Variants in KLHDC4 observed in about 807,000 individuals in gnomAD.
KLHDC4 encodes the protein kelch domain-containing protein 4.
In KLHDC4, 90 loss-of-function variants were observed where a neutral mutation model predicts 62.4. That is an observed-to-expected ratio of 1.44 (90% CI 1.22 to 1.72). The LOEUF is 1.72. Among genes scored for constraint, KLHDC4 ranks in the 40% most tolerant of loss-of-function variants. The pLI is 0.00. For missense variants in KLHDC4, 1,025 were observed against 699.7 expected (o/e 1.47, Z -5.25); for synonymous variants, 386 against 284.4 (o/e 1.36, Z -3.59).
intron 5 of KLHDC4, among the ~76,000 whole-genome samples, chr16:87,740,266 A>C (rs954777122): frequency 6.6e-6 from 1 of 152,052 alleles, no homozygotes; most frequent in Non-Finnish European, 1.5e-5. Flanking sequence ...GAAATGAGAG[A>C]GCTCCAGTGA....
At chr16:87,708,098 T>C (rs1459253072) in intron 11 of KLHDC4, 23 bp from the exon 12 acceptor site, 2 of 629,222 alleles carry the variant, frequency 3.2e-6, no homozygotes, top group East Asian at 6.5e-5. Flanking sequence ...GAGGAAGGAA[T>C]GAGAGAGAAA....
chr16:87,721,971 T>C (rs773864563), intron 7 of KLHDC4, among the ~76,000 whole-genome samples: 1 of 152,026 alleles, frequency 6.6e-6, no homozygotes, highest in Non-Finnish European at 1.5e-5. Flanking sequence ...CCAAACACCA[T>C]TTCCAAAGAG....
chr16:87,748,579 C>G, intron 5 of KLHDC4, 94 bp downstream of exon 5: 1 of 1,494,612 alleles, frequency 6.7e-7, no homozygotes, highest in East Asian at 2.3e-5. Context: ...TCCTCTGAAC[C>G]CTGGTATTCT....
At chr16:87,763,895 G>A (rs757994122) in intron 1 of KLHDC4, among the ~76,000 whole-genome samples, 1 of 152,182 alleles carries the variant, frequency 6.6e-6, no homozygotes, top group Non-Finnish European at 1.5e-5. Context: ...GACTCAGACG[G>A]AGTATGGTTG....
chr16:87,759,853 A>G (rs1350458106), intron 2 of KLHDC4, among the ~76,000 whole-genome samples: 2 of 152,210 alleles, frequency 1.3e-5, no homozygotes, highest in Admixed American at 1.3e-4. Flanking sequence ...GAAACGATCT[A>G]CACGGGGCCC....
chr16:87,715,980 T>C (rs183435026), intron 7 of KLHDC4, among the ~76,000 whole-genome samples: 43 of 152,272 alleles, frequency 2.8e-4, no homozygotes, highest in African/African-American at 9.9e-4. Flanking sequence ...CTCATGGATA[T>C]TGACAGACTT....
At chr16:87,742,398 A>G (rs1473154518) in intron 5 of KLHDC4, among the ~76,000 whole-genome samples, 2 of 152,164 alleles carry the variant, frequency 1.3e-5, no homozygotes, top group Non-Finnish European at 2.9e-5. Context: ...AACCTACACT[A>G]CTTTCATTAT....
At chr16:87,720,843 A>T (rs957569446) in intron 7 of KLHDC4, among the ~76,000 whole-genome samples, 2 of 152,222 alleles carry the variant, frequency 1.3e-5, no homozygotes, top group East Asian at 3.9e-4. Flanking sequence ...CTCTTTGGGG[A>T]CACTGCTGTC....
chr16:87,757,212 G>T (rs1397669841), intron 2 of KLHDC4: 1 of 151,998 alleles, frequency 6.6e-6, no homozygotes, highest in Non-Finnish European at 1.5e-5. Context: ...GCTCCTGCCT[G>T]TAATCCCAGC....
rs534467969 is a variant in KLHDC4, at chr16:87,751,622, C to T, written c.370-2813G>A. ...ATATTTACACCTTACATAATCAGTCCCTAAAGCCATTCCTGGCCAGGTGCA... is the reference window on the plus strand; with the variant it reads ...ATATTTACACCTTACATAATCAGTCTCTAAAGCCATTCCTGGCCAGGTGCA... On this transcript the variant is annotated intron_variant, in intron 4 of 11. Coordinates refer to ENST00000270583, the MANE Select transcript of KLHDC4 (RefSeq NM_017566.4). 3.3e-5 allele frequency among the ~76,000 whole-genome samples: 5 copies of T among 151,788 alleles called. No homozygotes were observed. In the East Asian group the frequency reaches 5.8e-4, roughly 18 times the overall value.
At chr16:87,762,631 G>C (rs549057971) in intron 1 of KLHDC4, among the ~76,000 whole-genome samples, 1 of 152,296 alleles carries the variant, frequency 6.6e-6, no homozygotes, top group African/African-American at 2.4e-5. Flanking sequence ...AACACTGCCT[G>C]CACAGCAAGA....
At chr16:87,759,319 G>C (rs2045506560) in intron 2 of KLHDC4, among the ~76,000 whole-genome samples, 2 of 151,736 alleles carry the variant, frequency 1.3e-5, no homozygotes, top group Non-Finnish European at 2.9e-5. Context: ...TGGATCATCT[G>C]AGGTCAGGAA....
chr16:87,701,921 G>A (rs7199037), exon 1 of KLHDC4: 86,486 of 455,928 alleles, frequency 0.19, 8,630 homozygotes, highest in Middle Eastern at 0.22. Flanking sequence ...GTGCTCCCTC[G>A]GGCCCTCCCA....
At chr16:87,752,424 C>T (rs1279041933) in intron 4 of KLHDC4, among the ~76,000 whole-genome samples, 1 of 150,716 alleles carries the variant, frequency 6.6e-6, no homozygotes, top group African/African-American at 2.4e-5. Context: ...CAACCTCCAA[C>T]GCCCCTGGTT....
At chr16:87,706,672 G>A (rs1158110102), downstream of KLHDC4, among the ~76,000 whole-genome samples, 1 of 152,188 alleles carries the variant, frequency 6.6e-6, no homozygotes, top group African/African-American at 2.4e-5. Context: ...GGGGCCCTTG[G>A]GGCCAGTTCA....
intron 3 of KLHDC4, 45 bp from the exon 4 acceptor site, chr16:87,755,337 C>T: frequency 9.8e-7 from 1 of 1,020,762 alleles, no homozygotes; most frequent in African/African-American, 1.6e-5. Context: ...TGATACGCTT[C>T]CAAGGAAGTG....
At chr16:87,700,713 G>C (rs2034103014) in exon 1 of KLHDC4, 1 of 241,764 alleles carries the variant, frequency 4.1e-6, no homozygotes, top group Admixed American at 6.4e-5. Context: ...TTGGAGGGCG[G>C]AGGGAGGAGG....
At position 87,760,036 on chromosome 16, in the gene KLHDC4, A is replaced by C. The variant is rs11864277; in HGVS notation, c.191+1913T>G. Among the ~76,000 whole-genome samples the C allele has an allele frequency of 4.7e-3, 710 of 152,176 alleles. 8 individuals carry two copies. The highest frequency in any genetic ancestry group is 0.016 in the African/African-American group (685 of 41,524). ...AACTGGTCATTCTCACAAGGTTTTA[A>C]AGTAATATGATTAAGAAATAGGAAG... On this transcript the variant is annotated intron_variant, in intron 2 of 11. Coordinates refer to ENST00000270583, the MANE Select transcript of KLHDC4 (RefSeq NM_017566.4).
At chr16:87,735,595 C>A (rs1477309734) in intron 5 of KLHDC4, among the ~76,000 whole-genome samples, 1 of 152,228 alleles carries the variant, frequency 6.6e-6, no homozygotes, top group African/African-American at 2.4e-5. Context: ...CCGTTTTCTA[C>A]CTAAAAGGGG....
Sources: allele counts gnomAD v4.1 joint callset (sites outside exome capture counted in the v4.1 genomes callset), GRCh38; gene constraint gnomAD v4.1.1; transcripts MANE v1.5; gene names NCBI Gene and HGNC (gene_info 2026-07-23, HGNC 2026-07-21).